Variants in APAF1 observed in about 807,000 individuals in gnomAD.
The protein encoded by APAF1 is apoptotic peptidase activating factor 1.
Under a neutral mutation model 152.4 loss-of-function variants are expected in APAF1, and 91 were observed. That is an observed-to-expected ratio of 0.60 (90% CI 0.50 to 0.71). The LOEUF (loss-of-function observed/expected upper bound fraction) is 0.71, where lower values mean the gene tolerates loss of function less well. Among genes scored for constraint, APAF1 ranks in the 30% least tolerant of loss-of-function variants. APAF1 has a pLI of 0.00. For missense variants in APAF1, 1,283 were observed against 1,472.0 expected (o/e 0.87, Z 2.10); for synonymous variants, 484 against 494.1 (o/e 0.98, Z 0.27).
At position 98,734,195 on chromosome 12, in the gene APAF1, A is replaced by C. The variant is rs2097765864; in HGVS notation, c.*1629A>C. On this transcript the variant is annotated 3_prime_UTR_variant, in exon 27 of 27. Coordinates refer to ENST00000551964, the MANE Select transcript of APAF1 (RefSeq NM_181861.2). ...CTCTAGAAGATTAACCTTCCAGCCA[A>C]CCTATTTTCCTTTCCCTTGTCTCTC... The C allele has an allele frequency of 6.6e-6, 1 of 151,998 alleles. No individual in the cohort carries two copies. Among genetic ancestry groups the C allele is most frequent in the African/African-American group, 2.4e-5 (1 of 41,364 alleles). 9.4% of individuals were successfully genotyped at this position (151,998 alleles called of 1,614,324 possible).
chr12:98,690,843 C>T (rs1371903301), intron 16 of APAF1, among the ~76,000 whole-genome samples: 1 of 152,150 alleles, frequency 6.6e-6, no homozygotes, highest in East Asian at 1.9e-4. Context: ...CAAGAGTCCC[C>T]TATCATAAGC....
intron 3 of APAF1, 71 bp downstream of exon 3, chr12:98,648,886 A>G (rs768215449): frequency 1.4e-6 from 2 of 1,405,762 alleles, no homozygotes; most frequent in Admixed American, 1.7e-5. Context: ...TGTAGATGTA[A>G]TCTTTTGAAG....
chr12:98,677,962 T>C (rs1221731755), intron 13 of APAF1, among the ~76,000 whole-genome samples: 4 of 152,066 alleles, frequency 2.6e-5, no homozygotes, highest in Non-Finnish European at 2.9e-5. Context: ...GACTAGACTA[T>C]TTCCTAAGTT....
chr12:98,715,124 G>A (rs750450897), intron 21 of APAF1, among the ~76,000 whole-genome samples: 4 of 144,492 alleles, frequency 2.8e-5, no homozygotes, highest in Non-Finnish European at 6.0e-5. Flanking sequence ...GTTTGATGAA[G>A]TGGGTAGTTG....
Position 98,678,454 on chromosome 12 carries a change from C to T in APAF1, c.1920+903C>T, listed in dbSNP as rs909310125. On this transcript the variant is annotated intron_variant, in intron 13 of 26. Transcript: ENST00000551964. ...AGGAGCTCCTGGTTCCTGCTGTAGC[C>T]GCCCAAGCCACAGCTGTGGACCTGG... Among the ~76,000 whole-genome samples, 3 of 152,268 alleles carry T rather than the reference C, an allele frequency of 2.0e-5. No individual in the cohort carries two copies. In the South Asian group the frequency reaches 6.2e-4, roughly 32 times the overall value.
chr12:98,670,166 A>AC (rs1451110639), intron 10 of APAF1, among the ~76,000 whole-genome samples: 2 of 151,474 alleles, frequency 1.3e-5, no homozygotes, highest in African/African-American at 4.9e-5. Context: ...GCTGATCTTG[A>AC]CCCCTGGGCT....
At chr12:98,731,007 A>G (rs560444742) in intron 26 of APAF1, among the ~76,000 whole-genome samples, 23 of 152,312 alleles carry the variant, frequency 1.5e-4, no homozygotes, top group Middle Eastern at 6.8e-3. Context: ...ACATGGTGAT[A>G]AATGGTGGTG....
intron 4 of APAF1, among the ~76,000 whole-genome samples, chr12:98,657,830 T>G (rs774605842): frequency 4.6e-5 from 7 of 152,218 alleles, no homozygotes; most frequent in Non-Finnish European, 1.0e-4. Flanking sequence ...ATTTTCAAAA[T>G]GAAGATAATA....
At chr12:98,729,466 C>G (rs1267373227) in intron 26 of APAF1, among the ~76,000 whole-genome samples, 1 of 152,202 alleles carries the variant, frequency 6.6e-6, no homozygotes, top group Non-Finnish European at 1.5e-5. Flanking sequence ...CACCACTGAT[C>G]TCTCAGGAGA....
In APAF1 at chr12:98,723,835, T is replaced by C. The variant is rs1171831465; in HGVS notation, c.3330+71T>C. On this transcript the variant is annotated intron_variant, in intron 24 of 26. Transcript: ENST00000551964. ...ATGTATAATGAGTTCAAATAATATA[T>C]GCAAAAGGACATAACAGTTGCTCTC... The C allele has an allele frequency of 7.4e-6, 11 of 1,494,594 alleles. No homozygotes were observed. In the Admixed American group the frequency reaches 1.8e-4, roughly 25 times the overall value. The allele number at this position is 1,494,594 out of a possible 1,614,324, so 92.6% of individuals were successfully genotyped here.
chr12:98,713,843 A>G (rs924278939), intron 21 of APAF1, among the ~76,000 whole-genome samples: 2 of 152,256 alleles, frequency 1.3e-5, no homozygotes, highest in African/African-American at 2.4e-5. Flanking sequence ...AGAAGAGACT[A>G]TATGCTTAGA....
At chr12:98,694,911 G>T (rs1194539911) in intron 16 of APAF1, among the ~76,000 whole-genome samples, 3 of 146,600 alleles carry the variant, frequency 2.0e-5, no homozygotes, top group African/African-American at 7.6e-5. Flanking sequence ...GTCTTGGTGT[G>T]TTGCCCAGGC....
intron 18 of APAF1, 39 bp downstream of exon 18, chr12:98,703,538 A>G: frequency 1.9e-6 from 3 of 1,613,418 alleles, no homozygotes; most frequent in Non-Finnish European, 2.5e-6. Context: ...CTGGGTTTCC[A>G]GAGATCAAAG....
chr12:98,728,812 C>G (rs1308784596), intron 26 of APAF1, among the ~76,000 whole-genome samples: 1 of 152,232 alleles, frequency 6.6e-6, no homozygotes, highest in African/African-American at 2.4e-5. Flanking sequence ...CCTCTGCTTT[C>G]TCTAGCTAAT....
rs751135737 is a variant in APAF1, at chr12:98,708,597, A to G, written c.2734A>G (p.Lys912Glu). Residue 912 changes from lysine to glutamate, a missense_variant, in exon 20 of 27, where the codon AAG becomes GAG. Transcript: ENST00000551964. ...DDQTIRLWET[K>E]KVCKNSAVML... ...ATCTCTTAATCAGCTCTGGGAGACA[A>G]AGAAAGTATGTAAGAACTCTGCTGT... is the stretch of plus-strand genomic sequence containing the variant. The G allele has an allele frequency of 1.2e-6, 2 of 1,613,430 alleles. No individual in the cohort carries two copies. Among genetic ancestry groups the G allele is most frequent in the Admixed American group, 3.3e-5 (2 of 60,010 alleles).
chr12:98,712,406 G>C lies in APAF1; in HGVS notation c.2929G>C (p.Ala977Pro), dbSNP rs2097728973. The C allele has an allele frequency of 6.2e-7, 1 of 1,609,120 alleles. No individual in the cohort carries two copies. The highest frequency in any genetic ancestry group is 8.5e-7 in the Non-Finnish European group (1 of 1,175,692). ...CTTAAGTCCACATCTTCAGTACATTGCATTTGGAGATGAAAATGGAGCCAT... is the reference window on the plus strand; with the variant it reads ...CTTAAGTCCACATCTTCAGTACATTCCATTTGGAGATGAAAATGGAGCCAT... Reference protein sequence around the residue: ...CCLSPHLQYIAFGDENGAIEI... With the variant: ...CCLSPHLQYIPFGDENGAIEI... The change falls in exon 21 of 27, where the codon GCA becomes CCA. Residue 977 changes from alanine (A) to proline (P), a missense_variant. Physicochemically the swap from Ala to Pro is conservative, Grantham distance 27. Transcript: ENST00000551964.
intron 17 of APAF1, among the ~76,000 whole-genome samples, chr12:98,702,308 A>C (rs960858381): frequency 5.3e-5 from 8 of 151,626 alleles, no homozygotes; most frequent in African/African-American, 9.7e-5. Context: ...CTCGTGATCC[A>C]CCTGCCTTGG....
intron 22 of APAF1, among the ~76,000 whole-genome samples, chr12:98,721,521 G>T (rs2097742755): frequency 6.6e-6 from 1 of 152,132 alleles, no homozygotes; most frequent in African/African-American, 2.4e-5. Context: ...GTCATATGGG[G>T]TGCCCTTCCT....
At position 98,735,008 on chromosome 12, in the gene APAF1, G is replaced by A; in HGVS notation, c.*2442G>A. 1 of 389,452 alleles carries A rather than the reference G, an allele frequency of 2.6e-6. No individual in the cohort carries two copies. Among genetic ancestry groups the A allele is most frequent in the East Asian group, 3.6e-5 (1 of 27,574 alleles). 24.1% of individuals were successfully genotyped at this position (389,452 alleles called of 1,614,324 possible). Reference sequence around the variant, plus strand: ...CGTGCCTGTAATCCCAGCTCCTTGGGAGGCTAAGACAGGAGGATTCCTTGA... The same window carrying A: ...CGTGCCTGTAATCCCAGCTCCTTGGAAGGCTAAGACAGGAGGATTCCTTGA... On this transcript the variant is annotated 3_prime_UTR_variant, in exon 27 of 27. Transcript: ENST00000551964.
Sources: gnomAD v4.1 joint callset for allele counts (sites outside exome capture counted in the v4.1 genomes callset) on GRCh38, gnomAD v4.1.1 for gene constraint, MANE v1.5 for transcripts, NCBI Gene and HGNC (gene_info 2026-07-23, HGNC 2026-07-21) for gene names.